Variants in KCNK2 observed in about 807,000 individuals in gnomAD.
The protein encoded by KCNK2 is potassium channel subfamily K member 2.
A neutral mutation model predicts 40.5 loss-of-function variants in KCNK2; 21 were observed. The observed-to-expected ratio is 0.52, with a 90% CI of 0.37 to 0.75. KCNK2 has a LOEUF of 0.75. Ranked by LOEUF, KCNK2 falls within the 30% of genes least tolerant of loss-of-function variation. The pLI is 0.00. For synonymous variants in KCNK2, 191 were observed against 202.2 expected (o/e 0.94, Z 0.47); for missense variants, 399 against 531.6 (o/e 0.75, Z 2.45).
chr1:215,005,627 C>G (rs542960984), upstream of KCNK2: 1 of 379,918 alleles, frequency 2.6e-6, no homozygotes, highest in Non-Finnish European at 4.7e-6. Flanking sequence ...TTCTCTGGAA[C>G]AACTGGGATA....
intron 6 of KCNK2, among the ~76,000 whole-genome samples, chr1:215,203,941 GGGA>G (rs1665190364): frequency 6.6e-6 from 1 of 151,112 alleles, no homozygotes; most frequent in Non-Finnish European, 1.5e-5. Flanking sequence ...GGGAGGCCGA[GGGA>G]GGAGAATGGT....
At position 215,071,429 on chromosome 1, in the gene KCNK2, C is replaced by T. The variant is rs115704810; in HGVS notation, c.35-14939C>T. Reference sequence around the variant, plus strand: ...CTTAAAACCCTTCAGTTGTGATTTCCGAGCTGAGAACTGAATCAACATAAG... The same window carrying T: ...CTTAAAACCCTTCAGTTGTGATTTCTGAGCTGAGAACTGAATCAACATAAG... On this transcript the variant is annotated intron_variant, in intron 1 of 6. Transcript: ENST00000391895. 3.3e-3 allele frequency among the ~76,000 whole-genome samples: 504 copies of T among 152,236 alleles called. 4 individuals are homozygous for T. Among genetic ancestry groups the T allele is most frequent in the African/African-American group, 9.7e-3 (402 of 41,548 alleles).
At position 215,083,270 on chromosome 1, in the gene KCNK2, G is replaced by T. The variant is rs750813191; in HGVS notation, c.-116G>T. 1.2e-5 allele frequency: 16 copies of T among 1,370,518 alleles called. No homozygotes were observed. In the East Asian group the frequency reaches 5.5e-4, roughly 47 times the overall value. 84.9% of individuals were successfully genotyped at this position (1,370,518 alleles called of 1,614,324 possible). On this transcript the variant is annotated 5_prime_UTR_variant, in exon 1 of 7. Coordinates refer to ENST00000444842, the MANE Select transcript of KCNK2 (RefSeq NM_001017425.3). ...ACAAAGCCGGGGAAAATGCCTGCCC[G>T]TGCAGCTCGGAGCGCGCAGCCCGTC...
intron 3 of KCNK2, among the ~76,000 whole-genome samples, chr1:215,166,162 A>G (rs1663435306): frequency 6.6e-6 from 1 of 152,136 alleles, no homozygotes; most frequent in Non-Finnish European, 1.5e-5. Flanking sequence ...GAGATGACAG[A>G]GACATAGAAA....
At chr1:215,074,324 C>T (rs1270164722) in intron 1 of KCNK2, among the ~76,000 whole-genome samples, 2 of 152,098 alleles carry the variant, frequency 1.3e-5, no homozygotes, top group Admixed American at 6.5e-5. Flanking sequence ...AATTAGATTC[C>T]ATATATATAG....
intron 3 of KCNK2, among the ~76,000 whole-genome samples, chr1:215,142,950 A>G (rs888265292): frequency 2.0e-4 from 30 of 152,150 alleles, no homozygotes; most frequent in Non-Finnish European, 4.1e-4. Flanking sequence ...AAGAGATTAC[A>G]GAAAGGGGAA....
chr1:215,110,395 T>C (rs1470499849), intron 2 of KCNK2, among the ~76,000 whole-genome samples: 1 of 152,066 alleles, frequency 6.6e-6, no homozygotes, highest in Non-Finnish European at 1.5e-5. Flanking sequence ...TTATGTATAG[T>C]GTAAGCTAAG....
upstream of KCNK2, among the ~76,000 whole-genome samples, chr1:215,078,443 C>T (rs557317565): frequency 1.1e-4 from 16 of 152,238 alleles, no homozygotes; most frequent in East Asian, 3.1e-3. Context: ...CTGGGGAGGC[C>T]TTAGGAAACT....
chr1:215,106,342 CA>C (rs1453110859), intron 2 of KCNK2, among the ~76,000 whole-genome samples: 2 of 152,124 alleles, frequency 1.3e-5, no homozygotes, highest in South Asian at 2.1e-4. Context: ...TGATGATTAG[CA>C]ATGTTGAGCA....
chr1:215,230,559 C>T (rs1263777753), intron 6 of KCNK2, among the ~76,000 whole-genome samples: 6 of 109,502 alleles, frequency 5.5e-5, no homozygotes, highest in Admixed American at 9.9e-5. Flanking sequence ...ACATAACAGC[C>T]ATATATATAT....
At chr1:215,029,820 T>G (rs994154180) in intron 1 of KCNK2, among the ~76,000 whole-genome samples, 1 of 152,060 alleles carries the variant, frequency 6.6e-6, no homozygotes, top group Non-Finnish European at 1.5e-5. Context: ...ATTCATCTCA[T>G]GAAGGACATC....
At chr1:215,077,812 T>C (rs951886155), upstream of KCNK2, among the ~76,000 whole-genome samples, 2 of 152,258 alleles carry the variant, frequency 1.3e-5, no homozygotes, top group South Asian at 4.1e-4. Flanking sequence ...ATCTTCAGAA[T>C]CTAATTTTTA....
chr1:215,034,787 T>C (rs1657329231), intron 1 of KCNK2, among the ~76,000 whole-genome samples: 1 of 152,152 alleles, frequency 6.6e-6, no homozygotes, highest in Non-Finnish European at 1.5e-5. Flanking sequence ...TGCTTTATCT[T>C]TGGACAGAAC....
chr1:215,088,655 G>A (rs1042471583), intron 2 of KCNK2, among the ~76,000 whole-genome samples: 13 of 151,784 alleles, frequency 8.6e-5, no homozygotes, highest in African/African-American at 1.2e-4. Flanking sequence ...TGGTCTCACC[G>A]TCCAGTATTA....
intron 1 of KCNK2, among the ~76,000 whole-genome samples, chr1:215,069,550 T>A (rs1308193781): frequency 6.6e-6 from 1 of 152,214 alleles, no homozygotes; most frequent in Non-Finnish European, 1.5e-5. Flanking sequence ...GTGCTGACAG[T>A]GGTAATACTA....
chr1:215,168,964 A>G (rs912874421), intron 3 of KCNK2, among the ~76,000 whole-genome samples: 1 of 152,174 alleles, frequency 6.6e-6, no homozygotes, highest in African/African-American at 2.4e-5. Context: ...CTCAGTTTTC[A>G]TCATCTCACA....
At chr1:215,121,835 A>AT (rs1282860156) in intron 2 of KCNK2, among the ~76,000 whole-genome samples, 1 of 152,194 alleles carries the variant, frequency 6.6e-6, no homozygotes, top group African/African-American at 2.4e-5. Flanking sequence ...TTTATTGTAA[A>AT]AATAGATCAC....
At chr1:215,193,223 A>G (rs1024090401) in intron 5 of KCNK2, among the ~76,000 whole-genome samples, 19 of 152,146 alleles carry the variant, frequency 1.2e-4, no homozygotes, top group Non-Finnish European at 2.4e-4. Context: ...TCAGTATTTT[A>G]TACTTGATCT....
At chr1:215,036,212 G>T (rs1440374957) in intron 1 of KCNK2, among the ~76,000 whole-genome samples, 1 of 150,892 alleles carries the variant, frequency 6.6e-6, no homozygotes, top group Non-Finnish European at 1.5e-5. Flanking sequence ...ATTTTTTTGA[G>T]TGTGTATGGT....
Sources: allele counts gnomAD v4.1 joint callset (sites outside exome capture counted in the v4.1 genomes callset), GRCh38; gene constraint gnomAD v4.1.1; transcripts MANE v1.5; gene names NCBI Gene and HGNC (gene_info 2026-07-23, HGNC 2026-07-21).